DENND10: variants seen among roughly 807,000 people sequenced by gnomAD.
DENND10 encodes the protein DENN domain containing 10, also known as DENN domain-containing protein 10.
A neutral mutation model predicts 43.6 loss-of-function variants in DENND10; 24 were observed. The observed-to-expected ratio is 0.55, with a 90% CI of 0.40 to 0.77. The LOEUF (loss-of-function observed/expected upper bound fraction) is 0.77. Ranked by LOEUF, DENND10 falls within the 30% of genes least tolerant of loss-of-function variation. The probability of loss-of-function intolerance (pLI) is 0.00; values close to 1 mark genes in which losing one functional copy is unlikely to be tolerated. For missense variants in DENND10, 303 were observed against 429.9 expected (o/e 0.70, Z 2.61); for synonymous variants, 125 against 157.6 (o/e 0.79, Z 1.55).
chr10:119,136,345 G>T, intron 8 of DENND10, 126 bp from the exon 9 acceptor site: 1 of 1,111,312 alleles, frequency 9.0e-7, no homozygotes, highest in Non-Finnish European at 1.3e-6. Flanking sequence ...ACAGGCATGA[G>T]CCACCACGCC....
intron 2 of DENND10, among the ~76,000 whole-genome samples, chr10:119,109,184 C>G (rs1844852558): frequency 7.1e-6 from 1 of 140,592 alleles, no homozygotes; most frequent in Non-Finnish European, 1.5e-5. Flanking sequence ...CCATTGCACT[C>G]TAGCCTAGGC....
At chr10:119,113,841 A>T (rs1845105916) in intron 3 of DENND10, among the ~76,000 whole-genome samples, 1 of 152,214 alleles carries the variant, frequency 6.6e-6, no homozygotes, top group Non-Finnish European at 1.5e-5. Flanking sequence ...AACCAGGTGA[A>T]TGTCTCACTG....
At chr10:119,124,157 C>G (rs1042397094) in intron 6 of DENND10, among the ~76,000 whole-genome samples, 2 of 149,626 alleles carry the variant, frequency 1.3e-5, no homozygotes, top group Admixed American at 1.3e-4. Context: ...CACACCACTA[C>G]ACTCCAGCCT....
At chr10:119,115,544 C>T (rs547062822) in intron 3 of DENND10, among the ~76,000 whole-genome samples, 1 of 96,206 alleles carries the variant, frequency 1.0e-5, no homozygotes, top group Non-Finnish European at 2.3e-5. Context: ...CCCGCCACTA[C>T]GCCCGGCTAA....
intron 3 of DENND10, among the ~76,000 whole-genome samples, chr10:119,116,142 C>T (rs1289996631): frequency 5.3e-5 from 8 of 152,226 alleles, no homozygotes; most frequent in Non-Finnish European, 1.5e-5. Context: ...CCCAAATAGA[C>T]CCAGTCATGT....
At chr10:119,130,614 T>G (rs531376200) in intron 7 of DENND10, among the ~76,000 whole-genome samples, 1 of 152,344 alleles carries the variant, frequency 6.6e-6, no homozygotes, top group Non-Finnish European at 1.5e-5. Flanking sequence ...CATATTTATC[T>G]CACAGTTTTG....
intron 3 of DENND10, among the ~76,000 whole-genome samples, chr10:119,115,327 C>T (rs1164473867): frequency 1.3e-5 from 2 of 149,816 alleles, no homozygotes; most frequent in East Asian, 2.0e-4. Context: ...TGTGAAAGCT[C>T]ACCACATTCA....
At chr10:119,113,367 T>C (rs1328712069) in intron 3 of DENND10, among the ~76,000 whole-genome samples, 1 of 151,440 alleles carries the variant, frequency 6.6e-6, no homozygotes, top group African/African-American at 2.4e-5. Context: ...TTAAAAAATA[T>C]ATATATATTT....
In DENND10 at chr10:119,132,890, T is replaced by C. The variant is rs921334752; in HGVS notation, c.897+281T>C. ...TAACTACCAAGTGGTCTGGAAGGCT[T>C]TTCTGGGCCAGCCAGTGCATTCTTT... On this transcript the variant is annotated intron_variant, in intron 8 of 8. Coordinates refer to ENST00000361432, the MANE Select transcript of DENND10 (RefSeq NM_207009.4). The surrounding 1 kb of genome is among the most constrained non-coding windows in gnomAD (Gnocchi z 4.2). 24 of 396,972 alleles carry C rather than the reference T, an allele frequency of 6.0e-5. No individual in the cohort carries two copies. Among genetic ancestry groups the C allele is most frequent in the South Asian group, 1.7e-4 (4 of 23,942 alleles). The allele number at this position is 396,972 out of a possible 1,614,324, so 24.6% of individuals were successfully genotyped here. A position where few individuals can be genotyped will look rare whatever the true frequency, so the allele number is the denominator to read the frequency against.
rs1846146865 is a variant in DENND10, at chr10:119,132,852, G to C, written c.897+243G>C. The C allele has an allele frequency of 2.1e-6, 1 of 475,408 alleles. No homozygotes were observed. Among genetic ancestry groups the C allele is most frequent in the African/African-American group, 2.0e-5 (1 of 51,272 alleles). 29.4% of individuals were successfully genotyped at this position (475,408 alleles called of 1,614,324 possible). A position where few individuals can be genotyped will look rare whatever the true frequency, so the allele number is the denominator to read the frequency against. On this transcript the variant is annotated intron_variant, in intron 8 of 8. Transcript: ENST00000361432. The surrounding 1 kb of genome is among the most constrained non-coding windows in gnomAD (Gnocchi z 4.2). ...GGGCTGGTGCTGACACCGACCGCTG[G>C]CAATGAGAAATGTAACTACCAAGTG...
intron 6 of DENND10, 130 bp from the exon 7 acceptor site, chr10:119,129,385 G>T (rs1476127544): frequency 1.4e-5 from 9 of 652,338 alleles, no homozygotes; most frequent in Non-Finnish European, 2.5e-5. Context: ...CTGCCACAGG[G>T]TACAGCTAAT....
intron 3 of DENND10, among the ~76,000 whole-genome samples, chr10:119,112,796 G>T (rs1845040975): frequency 6.8e-6 from 1 of 147,514 alleles, no homozygotes; most frequent in Admixed American, 6.8e-5. Context: ...CTTTTTTTAT[G>T]TGTTAAAGAT....
chr10:119,104,486 C>T (rs927232076), intron 1 of DENND10, among the ~76,000 whole-genome samples: 3 of 150,914 alleles, frequency 2.0e-5, no homozygotes, highest in African/African-American at 7.3e-5. Context: ...CCTGCACGCC[C>T]CGGGTTGCCC....
At chr10:119,134,204 T>C (rs1846206260) in intron 8 of DENND10, 2 of 151,942 alleles carry the variant, frequency 1.3e-5, no homozygotes, top group African/African-American at 4.8e-5. Flanking sequence ...CACACCTGAC[T>C]AATCTTGCAT....
chr10:119,121,549 T>C (rs1845578472), intron 5 of DENND10, among the ~76,000 whole-genome samples: 1 of 150,288 alleles, frequency 6.7e-6, no homozygotes, highest in African/African-American at 2.4e-5. Context: ...CCACCTCCCG[T>C]GTTCAAGTAA....
intron 3 of DENND10, 139 bp downstream of exon 3, chr10:119,112,067 G>A (rs1466483232): frequency 6.3e-6 from 4 of 636,592 alleles, no homozygotes; most frequent in Non-Finnish European, 1.1e-5. Flanking sequence ...TTCACAGACT[G>A]TAAAGACGGC....
Position 119,132,864 on chromosome 10 carries a change from G to A in DENND10, c.897+255G>A. On this transcript the variant is annotated intron_variant, in intron 8 of 8. Transcript: ENST00000361432. This position sits in a 1 kb window ranked among gnomAD's most constrained non-coding sequence, Gnocchi z 4.2. The stretch of plus-strand genomic sequence containing the variant: ...ACACCGACCGCTGGCAATGAGAAAT[G>A]TAACTACCAAGTGGTCTGGAAGGCT... 2 of 459,860 alleles carry A rather than the reference G, an allele frequency of 4.3e-6. No individual in the cohort carries two copies. Among genetic ancestry groups the A allele is most frequent in the Non-Finnish European group, 7.8e-6 (2 of 256,370 alleles). The allele number at this position is 459,860 out of a possible 1,614,324, so 28.5% of individuals were successfully genotyped here. A position where few individuals can be genotyped will look rare whatever the true frequency, so the allele number is the denominator to read the frequency against.
intron 6 of DENND10, among the ~76,000 whole-genome samples, chr10:119,125,988 ACT>A (rs1022802970): frequency 6.6e-6 from 1 of 150,812 alleles, no homozygotes; most frequent in African/African-American, 2.4e-5. Flanking sequence ...CCACCATTCT[ACT>A]CTCTATCTCC....
intron 5 of DENND10, among the ~76,000 whole-genome samples, chr10:119,123,261 C>G (rs1415940543): frequency 1.3e-5 from 2 of 152,164 alleles, no homozygotes; most frequent in Non-Finnish European, 2.9e-5. Flanking sequence ...GAGTGAAACT[C>G]CATCTCAAAA....
Sources: allele counts gnomAD v4.1 joint callset (sites outside exome capture counted in the v4.1 genomes callset), GRCh38; gene constraint gnomAD v4.1.1; non-coding constraint Gnocchi (gnomAD v3.1); transcripts MANE v1.5; gene names NCBI Gene and HGNC (gene_info 2026-07-23, HGNC 2026-07-21).